The following SPINK13 variants were observed in gnomAD, a reference collection of about 807,000 sequenced individuals.
SPINK13 encodes serine protease inhibitor Kazal-type 13.
Under a neutral mutation model 11.0 loss-of-function variants are expected in SPINK13, and 11 were observed. The observed-to-expected ratio is 1.00, with a 90% CI of 0.63 to 1.65. The LOEUF (loss-of-function observed/expected upper bound fraction) is 1.65, where lower values mean the gene tolerates loss of function less well. Ranked by LOEUF, SPINK13 falls within the 40% of genes most tolerant of loss-of-function variation. The pLI is 0.00. For synonymous variants in SPINK13, 31 were observed against 35.6 expected (o/e 0.87, Z 0.46); for missense variants, 113 against 117.7 (o/e 0.96, Z 0.19).
In SPINK13 at chr5:148,282,226, A is replaced by AC; in HGVS notation, c.232dup (p.Gln78ProfsTer11). 1 of 1,614,210 alleles carries AC rather than the reference A, an allele frequency of 6.2e-7. No individual in the cohort carries two copies. Among genetic ancestry groups the AC allele is most frequent in the Non-Finnish European group, 8.5e-7 (1 of 1,180,032 alleles). On this transcript the variant is annotated frameshift_variant, in exon 4 of 5. Coordinates refer to ENST00000398450, the MANE Select transcript of SPINK13 (RefSeq NM_001040129.3). LOFTEE classifies it low-confidence loss of function (END_TRUNC). ...AGAATGAGTGTTTCTTTTGTGTTGA[A>AC]CAGAGGTAAGTTCAGAATAAAATGC...
chr5:148,281,134 C>T (rs1034346671), intron 3 of SPINK13, among the ~76,000 whole-genome samples: 10 of 152,160 alleles, frequency 6.6e-5, no homozygotes, highest in South Asian at 2.1e-4. Context: ...GCCCCTCCCC[C>T]CACCAAGCTT....
intron 4 of SPINK13, 89 bp from the exon 5 acceptor site, chr5:148,285,911 A>G: frequency 1.4e-6 from 1 of 707,294 alleles, no homozygotes. Context: ...CCTTTTCAGG[A>G]CCTCTTTTAG....
In SPINK13 at chr5:148,268,849, A is replaced by G. The variant is rs1756304291; in HGVS notation, c.-73A>G. ...TTCTCAAGGCTAGTTGTGACATCCA[A>G]AGTGACAAGAGCAGGCCCATATTCA... On this transcript the variant is annotated 5_prime_UTR_variant, in exon 1 of 5. Transcript: ENST00000398450. 8.5e-6 allele frequency: 1 copy of G among 117,926 alleles called. No homozygotes were observed. The highest frequency in any genetic ancestry group is 7.5e-5 in the Admixed American group (1 of 13,254). 7.3% of individuals were successfully genotyped at this position (117,926 alleles called of 1,614,324 possible).
At chr5:148,274,215 G>T in intron 2 of SPINK13, 132 bp from the exon 3 acceptor site, 1 of 538,430 alleles carries the variant, frequency 1.9e-6, no homozygotes, top group Non-Finnish European at 3.3e-6. Context: ...AAATTCTATT[G>T]CTATTAAAAT....
chr5:148,269,381 A>G (rs1006468249), intron 1 of SPINK13, among the ~76,000 whole-genome samples: 4 of 152,058 alleles, frequency 2.6e-5, no homozygotes, highest in African/African-American at 9.7e-5. Flanking sequence ...TCAAGGTCAT[A>G]TGTCATATGT....
chr5:148,274,484 A>C, intron 3 of SPINK13, 100 bp downstream of exon 3: 42 of 934,570 alleles, frequency 4.5e-5, no homozygotes, highest in East Asian at 7.9e-5. Flanking sequence ...ACAGTGGCTC[A>C]TGCCTGTAAT....
chr5:148,285,518 A>C (rs1490784833), intron 4 of SPINK13, among the ~76,000 whole-genome samples: 1 of 152,222 alleles, frequency 6.6e-6, no homozygotes, highest in Non-Finnish European at 1.5e-5. Context: ...TATTTAGAGA[A>C]TAGTAATATG....
intron 2 of SPINK13, among the ~76,000 whole-genome samples, chr5:148,270,484 A>G (rs147458759): frequency 1.6e-4 from 24 of 152,340 alleles, no homozygotes; most frequent in African/African-American, 5.5e-4. Flanking sequence ...GATAAATGAT[A>G]TGATAAATAT....
chr5:148,285,984 T>C lies in SPINK13; in HGVS notation c.237-16T>C. The C allele has an allele frequency of 7.2e-7, 1 of 1,387,800 alleles. No homozygotes were observed. The highest frequency in any genetic ancestry group is 1.3e-5 in the South Asian group (1 of 76,246). 86.0% of individuals were successfully genotyped at this position (1,387,800 alleles called of 1,614,324 possible). On this transcript the variant is annotated splice_polypyrimidine_tract_variant and intron_variant, in intron 4 of 4. Transcript: ENST00000398450. ...TTCCTTATGATACTAATCTTCTTTT[T>C]TTCTCTTCTCTTTAGGGAATTTCAT...
chr5:148,280,612 G>T lies in SPINK13; in HGVS notation c.109-1492G>T, dbSNP rs576730691. Among the ~76,000 whole-genome samples, 8 of 152,316 alleles carry T rather than the reference G, an allele frequency of 5.3e-5. No individual in the cohort carries two copies. In the South Asian group the frequency reaches 1.7e-3, roughly 32 times the overall value. On this transcript the variant is annotated intron_variant, in intron 3 of 4. Coordinates refer to ENST00000398450, the MANE Select transcript of SPINK13 (RefSeq NM_001040129.3). ...CCCTGTCTGGTTATCACCAGTAGAG[G>T]CTGCAGAACAGCAAAGATTGCTGCC... is the stretch of plus-strand genomic sequence containing the variant.
intron 3 of SPINK13, 76 bp from the exon 4 acceptor site, chr5:148,282,028 T>G (rs1185339137): frequency 1.9e-6 from 3 of 1,569,066 alleles, no homozygotes; most frequent in Non-Finnish European, 2.6e-6. Context: ...ATTTTTTAAG[T>G]GGGGCAGAAG....
intron 2 of SPINK13, among the ~76,000 whole-genome samples, chr5:148,273,394 T>A (rs1185867590): frequency 6.6e-6 from 1 of 152,142 alleles, no homozygotes; most frequent in African/African-American, 2.4e-5. Flanking sequence ...TAGTTTTATT[T>A]TTTTATGTTT....
intron 4 of SPINK13, 127 bp from the exon 5 acceptor site, chr5:148,285,873 G>T: frequency 2.0e-6 from 1 of 488,832 alleles, no homozygotes; most frequent in Non-Finnish European, 3.7e-6. Context: ...AAAAAAAGAA[G>T]GATGTAAAGG....
chr5:148,279,883 A>G (rs1554116193), intron 3 of SPINK13, among the ~76,000 whole-genome samples: 1 of 152,156 alleles, frequency 6.6e-6, no homozygotes, highest in Non-Finnish European at 1.5e-5. Flanking sequence ...GTGTTTTCCA[A>G]CTTGGTTCCA....
intron 3 of SPINK13, among the ~76,000 whole-genome samples, chr5:148,279,746 C>T (rs1046095560): frequency 6.6e-6 from 1 of 152,126 alleles, no homozygotes; most frequent in Non-Finnish European, 1.5e-5. Flanking sequence ...GTGAAGCTGA[C>T]ATTTATGTCT....
intron 3 of SPINK13, 109 bp from the exon 4 acceptor site, chr5:148,281,995 A>G: frequency 6.9e-7 from 1 of 1,445,984 alleles, no homozygotes; most frequent in Non-Finnish European, 9.4e-7. Context: ...GATAAGATCA[A>G]TTGACTGGTA....
chr5:148,273,845 C>G (rs1409236489), intron 2 of SPINK13, among the ~76,000 whole-genome samples: 1 of 152,150 alleles, frequency 6.6e-6, no homozygotes, highest in Admixed American at 6.5e-5. Context: ...CAGGCAACAC[C>G]AGCACCCCTC....
intron 4 of SPINK13, among the ~76,000 whole-genome samples, chr5:148,283,699 C>T (rs1756550985): frequency 6.6e-6 from 1 of 152,326 alleles, no homozygotes; most frequent in South Asian, 2.1e-4. Flanking sequence ...GTTACATTAT[C>T]CTTCCTTCCT....
chr5:148,275,713 T>C (rs752170450), intron 3 of SPINK13, among the ~76,000 whole-genome samples: 7 of 151,372 alleles, frequency 4.6e-5, no homozygotes, highest in Non-Finnish European at 7.4e-5. Flanking sequence ...CAGGCTGGAG[T>C]GCAATGGCGT....
Sources: gnomAD v4.1 joint callset for allele counts (sites outside exome capture counted in the v4.1 genomes callset) on GRCh38, gnomAD v4.1.1 for gene constraint, MANE v1.5 for transcripts, NCBI Gene and HGNC (gene_info 2026-07-23, HGNC 2026-07-21) for gene names.